FOXP1: variants seen among roughly 807,000 people sequenced by gnomAD.
FOXP1 encodes the protein forkhead box P1, also known as forkhead box protein P1.
In FOXP1, 15 loss-of-function variants were observed where a neutral mutation model predicts 98.2. The ratio of observed to expected loss-of-function variants is 0.15; its 90% CI spans 0.10 to 0.24. The LOEUF (loss-of-function observed/expected upper bound fraction) is 0.24. Among genes scored for constraint, FOXP1 ranks in the 10% least tolerant of loss-of-function variants. The pLI is 1.00. For missense variants in FOXP1, 633 were observed against 848.5 expected, an observed-to-expected ratio of 0.75 and a Z score of 3.15; for synonymous variants, 371 against 314.5, an observed-to-expected ratio of 1.18 and a Z score of -1.90.
At chr3:71,108,764 CA>C (rs1004265029) in intron 7 of FOXP1, among the ~76,000 whole-genome samples, 8 of 150,290 alleles carry the variant, frequency 5.3e-5, no homozygotes. Context: ...GACTCCATCT[CA>C]AAAAAAAAGA....
At chr3:71,492,409 G>A (rs948141237) in intron 3 of FOXP1, among the ~76,000 whole-genome samples, 4 of 150,388 alleles carry the variant, frequency 2.7e-5, no homozygotes, top group African/African-American at 4.9e-5. Flanking sequence ...CCGAGATCGC[G>A]CCACTGCACT....
At chr3:71,406,766 T>C (rs1378941701) in intron 3 of FOXP1, among the ~76,000 whole-genome samples, 2 of 152,146 alleles carry the variant, frequency 1.3e-5, no homozygotes, top group African/African-American at 4.8e-5. Context: ...CTTCCACACC[T>C]GACAATTCTG....
In FOXP1 at chr3:71,047,080, T is replaced by A. The variant is rs1004143711; in HGVS notation, c.526A>T (p.Thr176Ser). The A allele has an allele frequency of 9.3e-6, 15 of 1,614,042 alleles. No individual in the cohort carries two copies. Among genetic ancestry groups the A allele is most frequent in the Non-Finnish European group, 1.2e-5 (14 of 1,179,932 alleles). ...TGCTGCTGAAAAGCCAACTGCTGGG[T>A]AGCCACCTGCTGTTGCTGTAAGAAA... ...KQPKEQQQVA[T>S]QQLAFQQQLL... Residue 176 changes from threonine (T) to serine (S), a missense_variant, in exon 10 of 21, where the codon ACC becomes TCC. By Grantham distance (58) the Thr-to-Ser change is moderately conservative. Coordinates refer to ENST00000649528, the MANE Select transcript of FOXP1 (RefSeq NM_001349338.3).
At chr3:71,011,621 T>C (rs1331018678) in intron 12 of FOXP1, among the ~76,000 whole-genome samples, 3 of 152,160 alleles carry the variant, frequency 2.0e-5, no homozygotes, top group Non-Finnish European at 2.9e-5. Context: ...TTTATTTATT[T>C]TTTTCGCTTC....
chr3:71,404,947 C>A (rs1434315172), intron 3 of FOXP1, among the ~76,000 whole-genome samples: 1 of 152,176 alleles, frequency 6.6e-6, no homozygotes, highest in African/African-American at 2.4e-5. Flanking sequence ...GGCAACAGGG[C>A]AATATGGTTT....
intron 12 of FOXP1, among the ~76,000 whole-genome samples, chr3:71,006,404 G>A (rs981236362): frequency 9.2e-5 from 14 of 151,950 alleles, no homozygotes; most frequent in Non-Finnish European, 1.6e-4. Flanking sequence ...CCCAGGTACC[G>A]CAGGTGATAA....
intron 4 of FOXP1, among the ~76,000 whole-genome samples, chr3:71,300,666 C>A (rs2073766036): frequency 6.6e-6 from 1 of 152,050 alleles, no homozygotes; most frequent in African/African-American, 2.4e-5. Context: ...ACATATGGCA[C>A]GAGTGAAAAG....
At chr3:70,961,322 C>A (rs1254064478) in intron 20 of FOXP1, among the ~76,000 whole-genome samples, 1 of 152,092 alleles carries the variant, frequency 6.6e-6, no homozygotes, top group Non-Finnish European at 1.5e-5. Flanking sequence ...CCTCCAACCC[C>A]CAGGCTCAAG....
Position 71,382,154 on chromosome 3 carries a change from A to G in FOXP1, c.-167-22910T>C, listed in dbSNP as rs1000628539. 2.0e-5 allele frequency among the ~76,000 whole-genome samples: 3 copies of G among 152,140 alleles called. No individual in the cohort carries two copies. The South Asian group carries it at 6.2e-4, about 32-fold the overall frequency. On this transcript the variant is annotated intron_variant, in intron 3 of 20. Transcript: ENST00000649528. ...GCTGGGCATGGTGGTGCACGCCTAT[A>G]GTCCCAGCTACTTGGGAAGCGGAGG...
At chr3:71,264,355 T>A (rs1224485468) in intron 5 of FOXP1, among the ~76,000 whole-genome samples, 3 of 152,138 alleles carry the variant, frequency 2.0e-5, no homozygotes, top group African/African-American at 7.2e-5. Context: ...TCAAAACACA[T>A]GAATTCACAA....
At chr3:71,123,593 A>G (rs185210084) in intron 6 of FOXP1, among the ~76,000 whole-genome samples, 2 of 152,284 alleles carry the variant, frequency 1.3e-5, no homozygotes, top group Admixed American at 6.5e-5. Context: ...AAATTTCACT[A>G]AAGTCCAGCC....
intron 6 of FOXP1, among the ~76,000 whole-genome samples, chr3:71,155,968 T>G (rs916788685): frequency 6.6e-6 from 1 of 152,208 alleles, no homozygotes; most frequent in African/African-American, 2.4e-5. Flanking sequence ...CCTTATTTGC[T>G]AAATAAAAAT....
At chr3:71,107,174 T>C (rs924007530) in intron 7 of FOXP1, among the ~76,000 whole-genome samples, 1 of 152,132 alleles carries the variant, frequency 6.6e-6, no homozygotes, top group African/African-American at 2.4e-5. Flanking sequence ...ACAGCTGAAG[T>C]TGAAATAACA....
intron 5 of FOXP1, among the ~76,000 whole-genome samples, chr3:71,285,846 T>A (rs1041577977): frequency 6.6e-6 from 1 of 152,202 alleles, no homozygotes; most frequent in Non-Finnish European, 1.5e-5. Context: ...CTTTTCTGTA[T>A]CACAGTTTCA....
At position 71,347,940 on chromosome 3, in the gene FOXP1, C is replaced by A. The variant is rs114793316; in HGVS notation, c.-73+11210G>T. ...TATACACAGGGATACAGTCCAAGAG[C>A]CCCGGTGGATGCCCAAAACCATGAT... On this transcript the variant is annotated intron_variant, in intron 4 of 20. Coordinates refer to ENST00000649528, the MANE Select transcript of FOXP1 (RefSeq NM_001349338.3). Among the ~76,000 whole-genome samples the A allele has an allele frequency of 9.0e-3, 1,365 of 151,918 alleles. 21 individuals are homozygous for A. Among genetic ancestry groups the A allele is most frequent in the African/African-American group, 0.031 (1,301 of 41,414 alleles).
At chr3:70,994,458 G>A (rs532734618) in intron 13 of FOXP1, among the ~76,000 whole-genome samples, 26 of 152,202 alleles carry the variant, frequency 1.7e-4, no homozygotes, top group Admixed American at 7.8e-4. Flanking sequence ...TCTAGGCAAC[G>A]TCTTCCATGG....
chr3:71,463,192 G>A (rs185970874), intron 3 of FOXP1, among the ~76,000 whole-genome samples: 3 of 151,864 alleles, frequency 2.0e-5, no homozygotes, highest in African/African-American at 7.2e-5. Flanking sequence ...GTGAAACCCC[G>A]ACTCTACTAA....
At chr3:71,103,353 A>G (rs2057136779) in intron 7 of FOXP1, among the ~76,000 whole-genome samples, 3 of 152,208 alleles carry the variant, frequency 2.0e-5, no homozygotes, top group Admixed American at 1.3e-4. Context: ...AACATCTCTG[A>G]CCCAATAGAA....
chr3:71,038,859 T>C (rs542094577), intron 11 of FOXP1, among the ~76,000 whole-genome samples: 57 of 151,926 alleles, frequency 3.8e-4, no homozygotes, highest in Non-Finnish European at 6.8e-4. Flanking sequence ...GAAATTGGGG[T>C]CCCTCTATGT....
Sources: allele counts gnomAD v4.1 joint callset (sites outside exome capture counted in the v4.1 genomes callset), GRCh38; gene constraint gnomAD v4.1.1; transcripts MANE v1.5; gene names NCBI Gene and HGNC (gene_info 2026-07-23, HGNC 2026-07-21).